LRRC37A2: variants seen among roughly 807,000 people sequenced by gnomAD.
LRRC37A2 encodes the protein leucine rich repeat containing 37 member A2.
A neutral mutation model predicts 68.8 loss-of-function variants in LRRC37A2; 9 were observed. The ratio of observed to expected loss-of-function variants is 0.13; its 90% confidence interval spans 0.08 to 0.23. The LOEUF is 0.23. Ranked by LOEUF, LRRC37A2 falls within the 10% of genes least tolerant of loss-of-function variation. LRRC37A2 has a pLI of 1.00. For synonymous variants in LRRC37A2, 63 were observed against 367.6 expected, an observed-to-expected ratio of 0.17 and a Z score of 9.48; for missense variants, 168 against 950.4, an observed-to-expected ratio of 0.18 and a Z score of 10.82.
At chr17:46,382,199 A>G in the LRRC37A2 span, among the ~76,000 whole-genome samples, 1 of 145,036 alleles carries the variant, frequency 6.9e-6, no homozygotes, top group Non-Finnish European at 1.5e-5. Flanking sequence ...AATCGCTTGA[A>G]CCTGGGAGGC....
chr17:46,710,006 A>G, the LRRC37A2 span, among the ~76,000 whole-genome samples: 1 of 152,250 alleles, frequency 6.6e-6, no homozygotes, highest in African/African-American at 2.4e-5. Context: ...AGATCACTGG[A>G]TACTGTTTCA....
At chr17:47,011,112 A>C in the LRRC37A2 span, among the ~76,000 whole-genome samples, 4 of 152,188 alleles carry the variant, frequency 2.6e-5, no homozygotes, top group African/African-American at 9.6e-5. Flanking sequence ...ATCCTGTCCA[A>C]CCGGAAGCCG....
chr17:46,980,119 C>A, the LRRC37A2 span, among the ~76,000 whole-genome samples: 1 of 150,030 alleles, frequency 6.7e-6, no homozygotes, highest in Admixed American at 6.6e-5. Flanking sequence ...CCAACCTCCC[C>A]ACCCCAACCA....
the LRRC37A2 span, among the ~76,000 whole-genome samples, chr17:46,914,951 T>C: frequency 6.6e-6 from 1 of 152,236 alleles, no homozygotes; most frequent in Non-Finnish European, 1.5e-5. Context: ...ACTCGTACAC[T>C]GTCTTGCACT....
chr17:46,956,446 A>G, the LRRC37A2 span, among the ~76,000 whole-genome samples: 1 of 151,604 alleles, frequency 6.6e-6, no homozygotes. Flanking sequence ...ATGCACCACC[A>G]TGCCTGGCTA....
rs1320085949 is a variant in LRRC37A2, at chr17:46,548,684, T to C, written c.3545T>C (p.Val1182Ala). 6.8e-6 allele frequency: 11 copies of C among 1,607,266 alleles called. No individual in the cohort carries two copies. The South Asian group carries it at 1.1e-4, about 16-fold the overall frequency. Residue 1182 changes from valine (V) to alanine (A), a missense_variant, in exon 10 of 15, where the codon GTA becomes GCA. Coordinates refer to ENST00000576629, the Ensembl canonical transcript of LRRC37A2. ...ATCCAGAAAAGGCACTTCAAAGAGG[T>C]AGGAAGGCAGAGCATCAGGAGGGAA...
chr17:46,919,762 C>T, the LRRC37A2 span, among the ~76,000 whole-genome samples: 32 of 152,244 alleles, frequency 2.1e-4, 1 homozygote, highest in South Asian at 6.2e-3. Context: ...GCCTGACCAA[C>T]ATGGTGAAAC....
the LRRC37A2 span, among the ~76,000 whole-genome samples, chr17:46,815,820 T>C: frequency 6.6e-6 from 1 of 152,192 alleles, no homozygotes; most frequent in African/African-American, 2.4e-5. Flanking sequence ...TTTTGCTTCC[T>C]GTTGGACCTT....
At chr17:46,925,097 T>G in the LRRC37A2 span, among the ~76,000 whole-genome samples, 2 of 152,118 alleles carry the variant, frequency 1.3e-5, no homozygotes, top group Non-Finnish European at 2.9e-5. Flanking sequence ...CCTCCAACAA[T>G]GCACCCTTGG....
At chr17:46,825,690 G>A in the LRRC37A2 span, among the ~76,000 whole-genome samples, 1 of 152,216 alleles carries the variant, frequency 6.6e-6, no homozygotes, top group Non-Finnish European at 1.5e-5. Context: ...GCTGGGGACA[G>A]TCATTCATCA....
the LRRC37A2 span, among the ~76,000 whole-genome samples, chr17:47,032,426 T>C: frequency 3.9e-5 from 6 of 152,166 alleles, no homozygotes; most frequent in Non-Finnish European, 7.3e-5. Context: ...GGCTAATAAG[T>C]GGCAGAACCA....
chr17:46,998,528 C>A, the LRRC37A2 span, among the ~76,000 whole-genome samples: 1 of 152,200 alleles, frequency 6.6e-6, no homozygotes, highest in Admixed American at 6.5e-5. Context: ...TGGGCACAAG[C>A]CCAGAGCTGT....
At chr17:46,964,062 C>T in the LRRC37A2 span, 1 of 152,282 alleles carries the variant, frequency 6.6e-6, no homozygotes, top group African/African-American at 2.4e-5. Context: ...ATTCTCCCAC[C>T]TCAGCCTCCC....
the LRRC37A2 span, among the ~76,000 whole-genome samples, chr17:46,635,777 A>ATTG: frequency 4.3e-5 from 5 of 116,704 alleles, no homozygotes; most frequent in African/African-American, 1.6e-4. Context: ...GGGAAAATAA[A>ATTG]TGTGTGTGTG....
chr17:46,927,200 C>T, the LRRC37A2 span, among the ~76,000 whole-genome samples: 1 of 151,928 alleles, frequency 6.6e-6, no homozygotes, highest in Admixed American at 6.5e-5. Flanking sequence ...CTGTCATTTG[C>T]CCTTTTTTCA....
At chr17:46,449,740 G>A in the LRRC37A2 span, among the ~76,000 whole-genome samples, 1 of 99,630 alleles carries the variant, frequency 1.0e-5, no homozygotes, top group East Asian at 2.4e-4. Context: ...GATAGATGAT[G>A]TCAGGTTTGA....
At chr17:46,831,815 T>C in the LRRC37A2 span, among the ~76,000 whole-genome samples, 1 of 152,260 alleles carries the variant, frequency 6.6e-6, no homozygotes, top group Non-Finnish European at 1.5e-5. Context: ...TCAGTGTCCC[T>C]GCAGGTTGAA....
the LRRC37A2 span, among the ~76,000 whole-genome samples, chr17:46,803,400 G>A: frequency 1.3e-5 from 2 of 152,172 alleles, no homozygotes; most frequent in South Asian, 2.1e-4. Flanking sequence ...CAGGTGTGGC[G>A]GTGCACACCT....
chr17:47,000,065 A>AAAATAAAAT, the LRRC37A2 span, among the ~76,000 whole-genome samples: 1 of 21,258 alleles, frequency 4.7e-5, no homozygotes, highest in African/African-American at 8.4e-5. Flanking sequence ...AAATAAAATT[A>AAAATAAAAT]AAATAAAATA....
Sources: allele counts gnomAD v4.1 joint callset (sites outside exome capture counted in the v4.1 genomes callset), GRCh38; gene constraint gnomAD v4.1.1; transcripts MANE v1.5; gene names NCBI Gene and HGNC (gene_info 2026-07-23, HGNC 2026-07-21).